The following ZNF282 variants were observed in gnomAD, a reference collection of about 807,000 sequenced individuals.
The protein encoded by ZNF282 is HTLV-I U5 repressive element-binding protein 1.
ZNF282 carries 30 observed loss-of-function variants against 61.9 expected under a neutral mutation model. That is an observed-to-expected ratio of 0.48 (90% confidence interval 0.36 to 0.66). The LOEUF (loss-of-function observed/expected upper bound fraction) is 0.66. Among genes scored for constraint, ZNF282 ranks in the 30% least tolerant of loss-of-function variants. The pLI is 0.00. For synonymous variants in ZNF282, 396 were observed against 405.0 expected (o/e 0.98, Z 0.27); for missense variants, 788 against 941.4 (o/e 0.84, Z 2.13).
Position 149,209,801 on chromosome 7 carries a change from G to T in ZNF282, c.833-784G>T, listed in dbSNP as rs181391334. On this transcript the variant is annotated intron_variant, in intron 4 of 7. Transcript: ENST00000610704. Reference sequence around the variant, plus strand: ...GAAGAAAAGGCCCTGTTTGTTGCATGCTGGGCTTCTGTGTAGAGGCTATGT... The same window carrying T: ...GAAGAAAAGGCCCTGTTTGTTGCATTCTGGGCTTCTGTGTAGAGGCTATGT... Among the ~76,000 whole-genome samples the T allele has an allele frequency of 1.1e-4, 17 of 152,284 alleles. No homozygotes were observed. The East Asian group carries it at 3.1e-3, about 28-fold the overall frequency.
In ZNF282 at chr7:149,198,650, C is replaced by T. The variant is rs949843387; in HGVS notation, c.483C>T (p.Tyr161=). ...TGCTGGGGACCCTGCTGCAGGAGTACGGGCTGCTGCAGAGGCGGCTGGAGA... is the reference window on the plus strand; with the variant it reads ...TGCTGGGGACCCTGCTGCAGGAGTATGGGCTGCTGCAGAGGCGGCTGGAGA... ...WAVLGTLLQE[Y]GLLQRRLENL... is the part of the protein sequence containing the mutation. The change falls in exon 2 of 8, where the codon TAC becomes TAT. Residue 161 remains tyrosine, a synonymous_variant. Coordinates refer to ENST00000610704, the MANE Select transcript of ZNF282 (RefSeq NM_003575.4). This position sits in a 1 kb window ranked among gnomAD's most constrained non-coding sequence, Gnocchi z 4.3. 1.6e-5 allele frequency: 26 copies of T among 1,613,940 alleles called. No homozygotes were observed. Among genetic ancestry groups the T allele is most frequent in the East Asian group, 2.2e-5 (1 of 44,898 alleles).
chr7:149,207,056 G>C (rs546035080), intron 3 of ZNF282, among the ~76,000 whole-genome samples: 8 of 152,234 alleles, frequency 5.3e-5, no homozygotes, highest in Admixed American at 2.0e-4. Flanking sequence ...CCACTACCAC[G>C]TTGGATTACA....
Position 149,198,318 on chromosome 7 carries a change from T to C in ZNF282, c.166-15T>C, listed in dbSNP as rs747052413. 2.3e-5 allele frequency: 36 copies of C among 1,585,296 alleles called. No individual in the cohort carries two copies. The highest frequency in any genetic ancestry group is 3.0e-5 in the Non-Finnish European group (35 of 1,163,382). On this transcript the variant is annotated splice_polypyrimidine_tract_variant and intron_variant, in intron 1 of 7. Transcript: ENST00000610704. This position sits in a 1 kb window ranked among gnomAD's most constrained non-coding sequence, Gnocchi z 4.3. ...GGTCTCATCCTGGGTTGTCGCTTTC[T>C]CCCTCTGCATACAGGCTCAAGAATG...
At chr7:149,219,761 C>T (rs774042104) in intron 7 of ZNF282, among the ~76,000 whole-genome samples, 6 of 152,006 alleles carry the variant, frequency 3.9e-5, no homozygotes, top group East Asian at 1.9e-4. Flanking sequence ...GCAAGAGAAT[C>T]GCTTGAACCT....
chr7:149,214,300 G>A (rs1280295235), intron 7 of ZNF282, among the ~76,000 whole-genome samples: 1 of 152,118 alleles, frequency 6.6e-6, no homozygotes, highest in African/African-American at 2.4e-5. Flanking sequence ...TTGGATCAGG[G>A]CCTCCCTACT....
chr7:149,217,998 C>T lies in ZNF282; in HGVS notation c.1180+4184C>T, dbSNP rs1796185276. 4.6e-5 allele frequency among the ~76,000 whole-genome samples: 7 copies of T among 151,460 alleles called. No individual in the cohort carries two copies. In the South Asian group the frequency reaches 1.3e-3, roughly 27 times the overall value. On this transcript the variant is annotated intron_variant, in intron 7 of 7. Coordinates refer to ENST00000610704, the MANE Select transcript of ZNF282 (RefSeq NM_003575.4). Reference sequence around the variant, plus strand: ...TGGCGGGCACCTGTAATCCCAGCTGCTCGGGAGGCTGAGGCATGAGAATCC... The same window carrying T: ...TGGCGGGCACCTGTAATCCCAGCTGTTCGGGAGGCTGAGGCATGAGAATCC...
At chr7:149,216,867 C>T (rs1350457891) in intron 7 of ZNF282, among the ~76,000 whole-genome samples, 1 of 152,198 alleles carries the variant, frequency 6.6e-6, no homozygotes, top group African/African-American at 2.4e-5. Flanking sequence ...AAAGGGACTC[C>T]TGAATTTATT....
At position 149,198,849 on chromosome 7, in the gene ZNF282, C is replaced by T; in HGVS notation, c.585+97C>T. The T allele has an allele frequency of 1.4e-6, 2 of 1,467,328 alleles. No individual in the cohort carries two copies. Among genetic ancestry groups the T allele is most frequent in the Non-Finnish European group, 9.1e-7 (1 of 1,102,330 alleles). The allele number at this position is 1,467,328 out of a possible 1,614,324, so 90.9% of individuals were successfully genotyped here. ...TTGTCAGCCCTTCTCATAAACTTCT[C>T]TGGCTCCCCGTTATCCAATTTCAGT... is the stretch of plus-strand genomic sequence containing the variant. On this transcript the variant is annotated intron_variant, in intron 2 of 7. Transcript: ENST00000610704. This position sits in a 1 kb window ranked among gnomAD's most constrained non-coding sequence, Gnocchi z 4.3.
intron 7 of ZNF282, among the ~76,000 whole-genome samples, chr7:149,221,275 C>G (rs1319039328): frequency 6.6e-6 from 1 of 152,142 alleles, no homozygotes; most frequent in Non-Finnish European, 1.5e-5. Flanking sequence ...GTTCTCCAGG[C>G]AAGCACAACG....
chr7:149,224,694 G>C lies in ZNF282; in HGVS notation c.*47G>C. On this transcript the variant is annotated 3_prime_UTR_variant, in exon 8 of 8. Transcript: ENST00000610704. ...GGCCGGACGGAGTGGATCGGGGGCG[G>C]CCTGAGCACCAACCACCTTGCCGGG... 6.9e-7 allele frequency: 1 copy of C among 1,447,276 alleles called. No individual in the cohort carries two copies. Among genetic ancestry groups the C allele is most frequent in the South Asian group, 1.4e-5 (1 of 70,046 alleles). The allele number at this position is 1,447,276 out of a possible 1,614,324, so 89.7% of individuals were successfully genotyped here.
chr7:149,222,111 C>T (rs996862107), intron 7 of ZNF282, among the ~76,000 whole-genome samples: 7 of 152,134 alleles, frequency 4.6e-5, no homozygotes, highest in Non-Finnish European at 8.8e-5. Context: ...CTGGGCCTGA[C>T]GTCACCATTC....
chr7:149,217,910 C>G (rs1796184009), intron 7 of ZNF282, among the ~76,000 whole-genome samples: 1 of 151,844 alleles, frequency 6.6e-6, no homozygotes, highest in Non-Finnish European at 1.5e-5. Context: ...GCATGTATGA[C>G]CTATGGGCCA....
At chr7:149,221,153 A>G (rs1490405140) in intron 7 of ZNF282, among the ~76,000 whole-genome samples, 2 of 152,166 alleles carry the variant, frequency 1.3e-5, no homozygotes, top group Non-Finnish European at 2.9e-5. Context: ...TCCTGGGCTC[A>G]AGCAATCCTT....
At chr7:149,219,994 G>A (rs1260688423) in intron 7 of ZNF282, among the ~76,000 whole-genome samples, 3 of 152,222 alleles carry the variant, frequency 2.0e-5, no homozygotes, top group Non-Finnish European at 4.4e-5. Context: ...TGACATGTGA[G>A]GAGCTGGGGC....
intron 7 of ZNF282, among the ~76,000 whole-genome samples, chr7:149,216,224 A>G (rs1387147185): frequency 6.6e-6 from 1 of 152,046 alleles, no homozygotes; most frequent in African/African-American, 2.4e-5. Context: ...TCAGCCTCCC[A>G]AATAGCTGGG....
intron 1 of ZNF282, among the ~76,000 whole-genome samples, chr7:149,197,346 T>G (rs1209822336): frequency 6.6e-6 from 1 of 152,216 alleles, no homozygotes; most frequent in African/African-American, 2.4e-5. Flanking sequence ...TGAACCTATT[T>G]TCAATTTGGA....
chr7:149,205,709 T>G (rs1024352963), intron 2 of ZNF282, among the ~76,000 whole-genome samples: 6 of 152,242 alleles, frequency 3.9e-5, no homozygotes, highest in African/African-American at 1.4e-4. Context: ...CCACTCACCA[T>G]GCTGAGTAGT....
chr7:149,220,800 TG>T (rs972792133), intron 7 of ZNF282, among the ~76,000 whole-genome samples: 2 of 135,630 alleles, frequency 1.5e-5, no homozygotes, highest in Admixed American at 7.4e-5. Context: ...ATGCATGGGT[TG>T]GGGGGGAGGG....
chr7:149,215,194 CAT>C (rs1796144049), intron 7 of ZNF282, among the ~76,000 whole-genome samples: 2 of 120,114 alleles, frequency 1.7e-5, no homozygotes, highest in Non-Finnish European at 1.8e-5. Flanking sequence ...TATTTCCTGA[CAT>C]TTTTTTTTTT....
Sources: gnomAD v4.1 joint callset for allele counts (sites outside exome capture counted in the v4.1 genomes callset) on GRCh38, gnomAD v4.1.1 for gene constraint, Gnocchi (gnomAD v3.1) non-coding constraint, MANE v1.5 for transcripts, NCBI Gene and HGNC (gene_info 2026-07-23, HGNC 2026-07-21) for gene names.